SNX24: variants seen among roughly 807,000 people sequenced by gnomAD.
The protein encoded by SNX24 is sorting nexin-24.
SNX24 carries 22 observed loss-of-function variants against 28.7 expected under a neutral mutation model. The observed-to-expected ratio is 0.77, with a 90% CI of 0.55 to 1.10. The LOEUF (loss-of-function observed/expected upper bound fraction) is 1.10, where lower values mean the gene tolerates loss of function less well. Ranked by LOEUF, SNX24 falls within the 50% of genes least tolerant of loss-of-function variation. The pLI is 0.00. For missense variants in SNX24, 221 were observed against 201.1 expected (o/e 1.10, Z -0.60); for synonymous variants, 69 against 71.5 (o/e 0.96, Z 0.18).
At chr5:122,951,800 G>C (rs1161882738) in intron 3 of SNX24, among the ~76,000 whole-genome samples, 1 of 152,258 alleles carries the variant, frequency 6.6e-6, no homozygotes, top group African/African-American at 2.4e-5. Context: ...CTGTGGGTCT[G>C]TTGTGGAGGC....
chr5:122,846,570 G>A (rs67616210), intron 1 of SNX24, among the ~76,000 whole-genome samples: 49,788 of 152,076 alleles, frequency 0.33, 8,529 homozygotes, highest in African/African-American at 0.38. Context: ...CTAAACACCA[G>A]TTACATTACT....
chr5:122,925,271 C>T (rs562900390), intron 1 of SNX24, among the ~76,000 whole-genome samples: 1 of 140,436 alleles, frequency 7.1e-6, no homozygotes, highest in Non-Finnish European at 1.5e-5. Flanking sequence ...TCCCCTCCCC[C>T]TTCTCCTTTC....
At chr5:122,877,777 G>T (rs938443440) in intron 1 of SNX24, among the ~76,000 whole-genome samples, 1 of 152,016 alleles carries the variant, frequency 6.6e-6, no homozygotes, top group African/African-American at 2.4e-5. Flanking sequence ...GTAGCCAATG[G>T]TGAGAGTTTT....
chr5:122,927,766 C>T (rs1447701876), intron 1 of SNX24, among the ~76,000 whole-genome samples: 1 of 152,174 alleles, frequency 6.6e-6, no homozygotes, highest in Non-Finnish European at 1.5e-5. Context: ...TCTTCATTCA[C>T]ACTCTAATAA....
chr5:122,986,953 A>G (rs981349057), intron 3 of SNX24, among the ~76,000 whole-genome samples: 3 of 152,144 alleles, frequency 2.0e-5, no homozygotes, highest in Non-Finnish European at 4.4e-5. Context: ...TATTTGAGAA[A>G]GTCAAGGAGT....
intron 5 of SNX24, chr5:123,023,501 A>G (rs1762794050): frequency 6.5e-6 from 1 of 154,732 alleles, no homozygotes; most frequent in African/African-American, 2.4e-5. Flanking sequence ...TTCTGTTTGG[A>G]TACAAAATAA....
intron 1 of SNX24, among the ~76,000 whole-genome samples, chr5:122,869,936 A>G (rs1581688676): frequency 6.8e-6 from 1 of 148,070 alleles, no homozygotes. Context: ...ACATGGTTGG[A>G]GGATTGTTTG....
intron 1 of SNX24, among the ~76,000 whole-genome samples, chr5:122,898,508 C>G (rs1757297973): frequency 6.6e-6 from 1 of 152,136 alleles, no homozygotes; most frequent in Non-Finnish European, 1.5e-5. Flanking sequence ...GGTCTGGGCT[C>G]CAGCCACTAT....
Position 123,001,923 on chromosome 5 carries a change from G to T in SNX24, c.378-17G>T. 6.2e-7 allele frequency: 1 copy of T among 1,612,932 alleles called. No homozygotes were observed. Among genetic ancestry groups the T allele is most frequent in the Non-Finnish European group, 8.5e-7 (1 of 1,178,884 alleles). ...ATCGTCCCCTGATGCTGACATGCCT[G>T]TTCTTGACCTTTCCAGCAAACTGTC... is the stretch of plus-strand genomic sequence containing the variant. On this transcript the variant is annotated splice_polypyrimidine_tract_variant and intron_variant, in intron 5 of 6. Coordinates refer to ENST00000261369, the MANE Select transcript of SNX24 (RefSeq NM_014035.4).
intron 3 of SNX24, among the ~76,000 whole-genome samples, chr5:122,947,430 C>T (rs1182343556): frequency 6.6e-6 from 1 of 152,136 alleles, no homozygotes; most frequent in African/African-American, 2.4e-5. Context: ...TTGTAGTTTT[C>T]CTGGTCTTTA....
chr5:122,954,036 T>C (rs1760084461), intron 3 of SNX24, among the ~76,000 whole-genome samples: 1 of 152,180 alleles, frequency 6.6e-6, no homozygotes, highest in Non-Finnish European at 1.5e-5. Flanking sequence ...CTTTAAATTA[T>C]ACAGTATGAT....
At chr5:122,909,436 A>C (rs548357385) in intron 1 of SNX24, among the ~76,000 whole-genome samples, 3 of 152,350 alleles carry the variant, frequency 2.0e-5, no homozygotes, top group African/African-American at 7.2e-5. Flanking sequence ...TAGGTCATGT[A>C]GCCAGTATGT....
At chr5:122,860,583 A>G (rs563052010) in intron 1 of SNX24, among the ~76,000 whole-genome samples, 1 of 152,234 alleles carries the variant, frequency 6.6e-6, no homozygotes, top group Non-Finnish European at 1.5e-5. Flanking sequence ...CAATTTTTAA[A>G]GAGTGAAATA....
At chr5:122,883,150 C>T (rs990308622) in intron 1 of SNX24, among the ~76,000 whole-genome samples, 14 of 152,108 alleles carry the variant, frequency 9.2e-5, no homozygotes, top group African/African-American at 2.2e-4. Flanking sequence ...TTCTTTAACA[C>T]GGGTTTCTAA....
intron 1 of SNX24, among the ~76,000 whole-genome samples, chr5:122,891,893 T>C (rs1756989689): frequency 6.6e-6 from 1 of 152,204 alleles, no homozygotes; most frequent in African/African-American, 2.4e-5. Context: ...TGGAGACTGT[T>C]GAGTGACCAA....
At chr5:122,872,145 T>G (rs1756008963) in intron 1 of SNX24, among the ~76,000 whole-genome samples, 1 of 150,218 alleles carries the variant, frequency 6.7e-6, no homozygotes, top group Non-Finnish European at 1.5e-5. Flanking sequence ...TTTTTCTCAC[T>G]TTTGAATGAT....
intron 3 of SNX24, among the ~76,000 whole-genome samples, chr5:122,959,397 A>G (rs543636417): frequency 2.0e-5 from 3 of 150,618 alleles, no homozygotes; most frequent in Admixed American, 1.3e-4. Flanking sequence ...AATAAAAAAT[A>G]CATAATATAT....
chr5:122,995,224 A>G (rs1379686193), intron 3 of SNX24, among the ~76,000 whole-genome samples: 1 of 152,146 alleles, frequency 6.6e-6, no homozygotes, highest in Non-Finnish European at 1.5e-5. Context: ...CTTCCTTGCT[A>G]GTTTTGACAG....
intron 1 of SNX24, among the ~76,000 whole-genome samples, chr5:122,919,776 G>C (rs1758341130): frequency 6.6e-6 from 1 of 152,304 alleles, no homozygotes; most frequent in African/African-American, 2.4e-5. Context: ...GTAGCCTGCT[G>C]ATACACTAGC....
Sources: allele counts gnomAD v4.1 joint callset (sites outside exome capture counted in the v4.1 genomes callset), GRCh38; gene constraint gnomAD v4.1.1; transcripts MANE v1.5; gene names NCBI Gene and HGNC (gene_info 2026-07-23, HGNC 2026-07-21).